The following TTC28 variants were observed in gnomAD, a reference collection of about 807,000 sequenced individuals.
The protein encoded by TTC28 is tetratricopeptide repeat domain 28.
In TTC28, 61 loss-of-function variants were observed where a neutral mutation model predicts 198.0. The ratio of observed to expected loss-of-function variants is 0.31; its 90% confidence interval spans 0.25 to 0.38. The LOEUF is 0.38. Ranked by LOEUF, TTC28 falls within the 10% of genes least tolerant of loss-of-function variation. TTC28 has a pLI of 1.00. For missense variants in TTC28, 2,678 were observed against 3,164.0 expected, an observed-to-expected ratio of 0.85 and a Z score of 3.69; for synonymous variants, 1,171 against 1,297.8, an observed-to-expected ratio of 0.90 and a Z score of 2.10.
intron 12 of TTC28, among the ~76,000 whole-genome samples, chr22:28,069,594 A>C (rs1192117863): frequency 6.6e-6 from 1 of 152,168 alleles, no homozygotes; most frequent in Non-Finnish European, 1.5e-5. Context: ...GTATCTATCT[A>C]CTGAGAAATT....
Position 28,163,483 on chromosome 22 carries a change from T to G in TTC28, c.1050A>C (p.Glu350Asp). The change falls in exon 6 of 23, where the codon GAA (glutamate) becomes GAC (aspartate). Residue 350 changes from glutamate (E) to aspartate (D), a missense_variant. Transcript: ENST00000397906. The stretch of plus-strand genomic sequence containing the variant: ...TGCCAAGTTCTCGGGCTTCAGAAAG[T>G]TCATCTTTGGATTGCTTGGCAAGAA... ...CVLLAKQSKDELSEARELGNM... is the reference protein window; with the variant it reads ...CVLLAKQSKDDLSEARELGNM... 1 of 1,551,702 alleles carries G rather than the reference T, an allele frequency of 6.4e-7. No homozygotes were observed. Among genetic ancestry groups the G allele is most frequent in the Non-Finnish European group, 8.7e-7 (1 of 1,146,982 alleles).
chr22:28,118,696 C>T (rs773351050), intron 6 of TTC28, among the ~76,000 whole-genome samples: 5 of 152,016 alleles, frequency 3.3e-5, no homozygotes, highest in Admixed American at 6.6e-5. Context: ...AAGAAATTGC[C>T]GAATGATGCA....
chr22:28,085,024 T>A (rs1020538454), intron 12 of TTC28, among the ~76,000 whole-genome samples: 20 of 152,014 alleles, frequency 1.3e-4, no homozygotes, highest in Non-Finnish European at 2.1e-4. Flanking sequence ...AAACACCAAA[T>A]CTACGTCTGA....
chr22:28,015,707 T>A (rs1938342573), intron 13 of TTC28, among the ~76,000 whole-genome samples: 1 of 152,054 alleles, frequency 6.6e-6, no homozygotes. Context: ...ATTACAGACG[T>A]GAGACACCAC....
At chr22:28,435,482 T>C (rs1257670008) in intron 2 of TTC28, among the ~76,000 whole-genome samples, 1 of 152,256 alleles carries the variant, frequency 6.6e-6, no homozygotes, top group Non-Finnish European at 1.5e-5. Context: ...GTCTTAAAGC[T>C]GAGACATACA....
chr22:28,248,482 T>C (rs1445565326), intron 5 of TTC28, among the ~76,000 whole-genome samples: 1 of 152,172 alleles, frequency 6.6e-6, no homozygotes, highest in Admixed American at 6.5e-5. Flanking sequence ...AAAAATATTG[T>C]GAAGATAACC....
chr22:28,580,906 A>C (rs1021622100), intron 2 of TTC28, among the ~76,000 whole-genome samples: 1 of 152,188 alleles, frequency 6.6e-6, no homozygotes, highest in East Asian at 1.9e-4. Context: ...ATGAAAATCA[A>C]TATTTATTTA....
At chr22:28,267,918 G>A (rs1023860801) in intron 5 of TTC28, among the ~76,000 whole-genome samples, 1 of 152,154 alleles carries the variant, frequency 6.6e-6, no homozygotes, top group Non-Finnish European at 1.5e-5. Context: ...ACTACGACTG[G>A]TCAGCTGCAC....
chr22:28,024,740 C>A (rs1196144287), intron 13 of TTC28, among the ~76,000 whole-genome samples: 1 of 152,200 alleles, frequency 6.6e-6, no homozygotes, highest in Non-Finnish European at 1.5e-5. Context: ...TGATAGGCAT[C>A]AAGATAGGCA....
At chr22:28,565,006 GA>G (rs1356112084) in intron 2 of TTC28, among the ~76,000 whole-genome samples, 1 of 151,558 alleles carries the variant, frequency 6.6e-6, no homozygotes, top group Non-Finnish European at 1.5e-5. Context: ...CACAGGAAGG[GA>G]AGTTGACCAA....
intron 2 of TTC28, among the ~76,000 whole-genome samples, chr22:28,347,339 A>G (rs938971318): frequency 9.2e-5 from 14 of 151,858 alleles, no homozygotes; most frequent in Non-Finnish European, 1.2e-4. Context: ...TCTCCTCAAC[A>G]TATGCTCCTT....
chr22:28,502,732 C>T (rs2048554504), intron 2 of TTC28, among the ~76,000 whole-genome samples: 1 of 152,132 alleles, frequency 6.6e-6, no homozygotes, highest in African/African-American at 2.4e-5. Flanking sequence ...GACAATAAGG[C>T]TGTCAGTGCA....
chr22:28,546,422 G>A (rs773202033), intron 2 of TTC28, among the ~76,000 whole-genome samples: 4 of 152,062 alleles, frequency 2.6e-5, no homozygotes, highest in Non-Finnish European at 5.9e-5. Flanking sequence ...CTCCAGCCTG[G>A]GTGACAGAGC....
rs770864428 is a variant in TTC28, at chr22:28,611,503, T to TTTTTTA, written c.381+18048_381+18049insTAAAAA. 3.3e-3 allele frequency among the ~76,000 whole-genome samples: 411 copies of TTTTTTA among 124,480 alleles called. 2 individuals carry two copies. The highest frequency in any genetic ancestry group is 4.8e-3 in the Non-Finnish European group (273 of 56,512). 81.7% of individuals were successfully genotyped at this position (124,480 alleles called of 152,430 possible). On this transcript the variant is annotated intron_variant, in intron 2 of 22. Transcript: ENST00000397906. ...GAAGGAGAAATAAAAGCCTTTTTTT[T>TTTTTTA]AATTTTTTTTTTTTTTTATTATACT... is the stretch of plus-strand genomic sequence containing the variant.
At chr22:28,210,828 A>C (rs919520664) in intron 5 of TTC28, among the ~76,000 whole-genome samples, 14 of 152,172 alleles carry the variant, frequency 9.2e-5, no homozygotes, top group South Asian at 2.1e-4. Context: ...CTCCAAGACA[A>C]ATATTGTCAG....
intron 5 of TTC28, among the ~76,000 whole-genome samples, chr22:28,206,475 A>G (rs1378834225): frequency 6.6e-6 from 1 of 152,200 alleles, no homozygotes; most frequent in Admixed American, 6.5e-5. Context: ...GAAGCAGTTA[A>G]GTGTCCAGAG....
At chr22:28,385,923 G>GT (rs2046575364) in intron 2 of TTC28, among the ~76,000 whole-genome samples, 1 of 151,998 alleles carries the variant, frequency 6.6e-6, no homozygotes, top group Non-Finnish European at 1.5e-5. Context: ...TTTCCCTCCA[G>GT]TAAGTCTGCC....
chr22:28,490,765 TTGAG>T (rs2048366510), intron 2 of TTC28, among the ~76,000 whole-genome samples: 1 of 152,190 alleles, frequency 6.6e-6, no homozygotes, highest in Non-Finnish European at 1.5e-5. Context: ...CCCTTATTAA[TTGAG>T]TAAATGGTGC....
chr22:28,017,907 C>T (rs2146593612), intron 13 of TTC28, among the ~76,000 whole-genome samples: 1 of 152,256 alleles, frequency 6.6e-6, no homozygotes, highest in African/African-American at 2.4e-5. Context: ...ACCCAAGCTC[C>T]AATGAAGGCT....
Sources: gnomAD v4.1 joint callset for allele counts (sites outside exome capture counted in the v4.1 genomes callset) on GRCh38, gnomAD v4.1.1 for gene constraint, MANE v1.5 for transcripts, NCBI Gene and HGNC (gene_info 2026-07-23, HGNC 2026-07-21) for gene names.